Variants in CIT observed in about 807,000 individuals in gnomAD.
CIT encodes the protein citron rho-interacting serine/threonine kinase, also known as citron Rho-interacting kinase.
CIT carries 79 observed loss-of-function variants against 272.7 expected under a neutral mutation model. The ratio of observed to expected loss-of-function variants is 0.29; its 90% confidence interval spans 0.24 to 0.35. The LOEUF (loss-of-function observed/expected upper bound fraction) is 0.35, where lower values mean the gene tolerates loss of function less well. Ranked by LOEUF, CIT falls within the 10% of genes least tolerant of loss-of-function variation. CIT has a pLI of 1.00. For synonymous variants in CIT, 948 were observed against 995.6 expected, an observed-to-expected ratio of 0.95 and a Z score of 0.90; for missense variants, 1,909 against 2,618.3, an observed-to-expected ratio of 0.73 and a Z score of 5.91.
chr12:119,827,481 A>G (rs749526632), intron 7 of CIT, among the ~76,000 whole-genome samples: 8 of 151,254 alleles, frequency 5.3e-5, no homozygotes, highest in Non-Finnish European at 1.2e-4. Context: ...CTCTGTCACC[A>G]GGCTGGAGTG....
intron 47 of CIT, among the ~76,000 whole-genome samples, 196 bp from the exon 48 acceptor site, chr12:119,688,451 G>A (rs1047568045): frequency 6.6e-6 from 1 of 152,276 alleles, no homozygotes; most frequent in Non-Finnish European, 1.5e-5. Context: ...TCCCAAAGCC[G>A]TGTGTGTACC....
chr12:119,811,618 C>T (rs1323219120), intron 9 of CIT, among the ~76,000 whole-genome samples: 1 of 152,172 alleles, frequency 6.6e-6, no homozygotes, highest in African/African-American at 2.4e-5. Context: ...CTGGCTCTCG[C>T]CATACCCAAA....
chr12:119,717,838 C>CTTTCTTTTTTTTTTTTTT (rs1957600727), intron 32 of CIT, among the ~76,000 whole-genome samples: 9 of 81,332 alleles, frequency 1.1e-4, no homozygotes, highest in Admixed American at 8.9e-4. Flanking sequence ...TGACTTCTTT[C>CTTTCTTTTTTTTTTTTTT]TTTTTTTTTT....
Position 119,690,199 on chromosome 12 carries a change from G to T in CIT, c.6138C>A (p.Gly2046=). ...PGRLFEDSSR[G]RLPAGAVRTP... ...TCCTCACGGCTCCCGCAGGCAGCCGGCCCCTGCTGCTGTCTTCAAACAGCC... is the reference window on the plus strand; with the variant it reads ...TCCTCACGGCTCCCGCAGGCAGCCGTCCCCTGCTGCTGTCTTCAAACAGCC... The change falls in exon 47 of 48, where the codon GGC becomes GGA. Residue 2046 remains glycine (G), a synonymous_variant. Coordinates refer to ENST00000392521, the MANE Select transcript of CIT (RefSeq NM_001206999.2). The surrounding 1 kb of genome is among the most constrained non-coding windows in gnomAD (Gnocchi z 6.0). The T allele has an allele frequency of 6.7e-7, 1 of 1,495,974 alleles. No homozygotes were observed. 92.7% of individuals were successfully genotyped at this position (1,495,974 alleles called of 1,614,324 possible). A position where few individuals can be genotyped will look rare whatever the true frequency, so the allele number is the denominator to read the frequency against.
In CIT at chr12:119,726,403, T is replaced by TTG. The variant is rs1319002968; in HGVS notation, c.3591+2098_3591+2099insCA. Reference sequence around the variant, plus strand: ...TTGGCTAATTTTTTTTTTTTTTTTTTTTTTTTTTTGTAGAGATGGGGTCTC... The same window carrying TTG: ...TTGGCTAATTTTTTTTTTTTTTTTTTTGTTTTTTTTTGTAGAGATGGGGTCTC... On this transcript the variant is annotated intron_variant, in intron 28 of 47. Transcript: ENST00000392521. Among the ~76,000 whole-genome samples the TTG allele has an allele frequency of 2.1e-5, 3 of 144,364 alleles. No individual in the cohort carries two copies. The East Asian group carries it at 6.0e-4, about 29-fold the overall frequency. The allele number at this position is 144,364 out of a possible 152,430, so 94.7% of individuals were successfully genotyped here.
chr12:119,708,270 GACTGTTTC>G lies in CIT; in HGVS notation c.5112_5119del (p.Lys1705ProfsTer18). On this transcript the variant is annotated frameshift_variant, in exon 40 of 48. Transcript: ENST00000392521. LOFTEE classifies it high-confidence loss of function. ...GGCAGGCAGGTGGGACTGGGCCAGG[GACTGTTTC>G]ACTTTCTTCACGTCCACAAGACACA... is the stretch of plus-strand genomic sequence containing the variant. 1 of 1,606,248 alleles carries G rather than the reference GACTGTTTC, an allele frequency of 6.2e-7. No homozygotes were observed. The highest frequency in any genetic ancestry group is 8.5e-7 in the Non-Finnish European group (1 of 1,176,690).
intron 30 of CIT, among the ~76,000 whole-genome samples, chr12:119,719,758 G>A (rs1053694123): frequency 3.3e-5 from 5 of 152,206 alleles, no homozygotes; most frequent in African/African-American, 1.2e-4. Flanking sequence ...GCATTTGGAA[G>A]GAAACTGCAA....
rs1963058316 is a variant in CIT at position 119,770,865 on chromosome 12, T to G, written c.2128A>C (p.Met710Leu). 1 of 1,612,802 alleles carries G rather than the reference T, an allele frequency of 6.2e-7. No homozygotes were observed. Among genetic ancestry groups the G allele is most frequent in the Non-Finnish European group, 8.5e-7 (1 of 1,179,894 alleles). Reference sequence around the variant, plus strand: ...TTCAGTCTGTTTTCTCTACGCTCCATGGTCTCTAGTCTCTTTACCTTGTTC... The same window carrying G: ...TTCAGTCTGTTTTCTCTACGCTCCAGGGTCTCTAGTCTCTTTACCTTGTTC... ...LENKVKRLET[M>L]ERRENRLKDD... Residue 710 changes from methionine to leucine, a missense_variant, in exon 18 of 48, where the codon ATG (methionine) becomes CTG (leucine). Transcript: ENST00000392521. This position sits in a 1 kb window ranked among gnomAD's most constrained non-coding sequence, Gnocchi z 4.4.
At chr12:119,764,470 C>T (rs1013608448) in intron 19 of CIT, among the ~76,000 whole-genome samples, 1 of 151,642 alleles carries the variant, frequency 6.6e-6, no homozygotes, top group African/African-American at 2.4e-5. Flanking sequence ...TTAAAAATTA[C>T]CCAGGCGTGG....
intron 23 of CIT, among the ~76,000 whole-genome samples, chr12:119,751,166 G>A (rs1271081934): frequency 6.6e-6 from 1 of 152,030 alleles, no homozygotes; most frequent in African/African-American, 2.4e-5. Context: ...GGTCCTCCGG[G>A]GATCCTTCCA....
Position 119,706,909 on chromosome 12 carries a change from T to C in CIT, c.5211+1270A>G, listed in dbSNP as rs144785198. 8.2e-3 allele frequency among the ~76,000 whole-genome samples: 1,253 copies of C among 152,352 alleles called. 10 individuals carry two copies. The highest frequency in any genetic ancestry group is 0.013 in the Non-Finnish European group (891 of 68,034). ...CTAATTTATACTCCCACCAACAGTG[T>C]ATAAGTGTTCCTTTTTCTCCACGAC... On this transcript the variant is annotated intron_variant, in intron 40 of 47. Transcript: ENST00000392521.
chr12:119,767,049 T>A lies in CIT; in HGVS notation c.2304+38A>T, dbSNP rs759840040. The A allele has an allele frequency of 2.6e-6, 4 of 1,524,534 alleles. No homozygotes were observed. In the Admixed American group the frequency reaches 5.3e-5, roughly 20 times the overall value. The allele number at this position is 1,524,534 out of a possible 1,614,324, so 94.4% of individuals were successfully genotyped here. A position where few individuals can be genotyped will look rare whatever the true frequency, so the allele number is the denominator to read the frequency against. On this transcript the variant is annotated intron_variant, in intron 19 of 47. Coordinates refer to ENST00000392521, the MANE Select transcript of CIT (RefSeq NM_001206999.2). ...AAGAGATGGGAGCTACATGGTACTA[T>A]AGGAGCAAGGCCAGGGAAGATCAGA... is the stretch of plus-strand genomic sequence containing the variant.
intron 7 of CIT, among the ~76,000 whole-genome samples, chr12:119,832,351 G>A (rs1451905287): frequency 2.6e-5 from 4 of 152,074 alleles, no homozygotes; most frequent in African/African-American, 9.7e-5. Context: ...TAACACTTAA[G>A]GATATTTGGT....
chr12:119,705,432 G>A (rs1043695876), intron 40 of CIT, among the ~76,000 whole-genome samples: 3 of 152,108 alleles, frequency 2.0e-5, no homozygotes, highest in African/African-American at 7.2e-5. Context: ...AATGAAGATG[G>A]GCCGGGATAA....
rs1380288087 is a variant in CIT at position 119,784,174 on chromosome 12, T to C, written c.1402-123A>G. On this transcript the variant is annotated intron_variant, in intron 11 of 47. Transcript: ENST00000392521. The surrounding 1 kb of genome is among the most constrained non-coding windows in gnomAD (Gnocchi z 4.7). ...TAAGGCTAATTCGCCAAAAGTTAAG[T>C]TGGGATGGAAATACCATTGTTTCTT... 1 of 1,610,464 alleles carries C rather than the reference T, an allele frequency of 6.2e-7. No homozygotes were observed.
chr12:119,810,087 G>A (rs1343813652), intron 9 of CIT, among the ~76,000 whole-genome samples: 1 of 152,166 alleles, frequency 6.6e-6, no homozygotes, highest in Non-Finnish European at 1.5e-5. Flanking sequence ...CCAATTAATT[G>A]AACTCAAAGA....
intron 26 of CIT, among the ~76,000 whole-genome samples, chr12:119,732,106 A>G (rs1475802710): frequency 6.6e-6 from 1 of 152,002 alleles, no homozygotes; most frequent in East Asian, 1.9e-4. Flanking sequence ...CATCTCTCCT[A>G]AATATCTGAA....
Position 119,784,850 on chromosome 12 carries a change from T to C in CIT, c.1401+110A>G, listed in dbSNP as rs1375747067. The C allele has an allele frequency of 3.4e-6, 5 of 1,489,392 alleles. No homozygotes were observed. The highest frequency in any genetic ancestry group is 4.5e-6 in the Non-Finnish European group (5 of 1,120,390). The allele number at this position is 1,489,392 out of a possible 1,614,324, so 92.3% of individuals were successfully genotyped here. ...CAGCGAAGGCAGGAGCGCCTCACTC[T>C]CTACGGATCAGGCGGCTCAGAGCCA... On this transcript the variant is annotated intron_variant, in intron 11 of 47. Coordinates refer to ENST00000392521, the MANE Select transcript of CIT (RefSeq NM_001206999.2). The surrounding 1 kb of genome is among the most constrained non-coding windows in gnomAD (Gnocchi z 4.7).
In CIT at chr12:119,785,058, C is replaced by G. The variant is rs1447348578; in HGVS notation, c.1303G>C (p.Val435Leu). 6.2e-7 allele frequency: 1 copy of G among 1,614,052 alleles called. No individual in the cohort carries two copies. The highest frequency in any genetic ancestry group is 8.5e-7 in the Non-Finnish European group (1 of 1,180,020). ...TTGGCAGGGGAGTCCAGACCCGACA[C>G]AACAGACCTAGGTAGAGAAAAACCA... The part of the protein sequence containing the change: ...LGILGRSESV[V>L]SGLDSPAKTS... The change falls in exon 11 of 48, where the codon GTG (valine) becomes CTG (leucine). Residue 435 changes from valine (V) to leucine (L), a missense_variant. Coordinates refer to ENST00000392521, the MANE Select transcript of CIT (RefSeq NM_001206999.2).
Sources: gnomAD v4.1 joint callset for allele counts (sites outside exome capture counted in the v4.1 genomes callset) on GRCh38, gnomAD v4.1.1 for gene constraint, Gnocchi (gnomAD v3.1) non-coding constraint, MANE v1.5 for transcripts, NCBI Gene and HGNC (gene_info 2026-07-23, HGNC 2026-07-21) for gene names.